The following TLK1 variants were observed in gnomAD, a reference collection of about 807,000 sequenced individuals.
The protein encoded by TLK1 is tousled like kinase 1, also known as serine/threonine-protein kinase tousled-like 1.
In TLK1, 24 loss-of-function variants were observed where a neutral mutation model predicts 105.3. The observed-to-expected ratio is 0.23, with a 90% CI of 0.17 to 0.32. TLK1 has a LOEUF of 0.32. Among genes scored for constraint, TLK1 ranks in the 10% least tolerant of loss-of-function variants. TLK1 has a pLI of 1.00. For synonymous variants in TLK1, 321 were observed against 310.4 expected (o/e 1.03, Z -0.36); for missense variants, 558 against 910.5 (o/e 0.61, Z 4.98).
chr2:171,001,521 T>C (rs571462411), intron 18 of TLK1, among the ~76,000 whole-genome samples: 30 of 152,230 alleles, frequency 2.0e-4, no homozygotes, highest in Admixed American at 5.2e-4. Flanking sequence ...CAGCTGGTAT[T>C]TATCTTCTCT....
At chr2:171,114,386 A>C (rs1300407103) in intron 2 of TLK1, among the ~76,000 whole-genome samples, 1 of 150,686 alleles carries the variant, frequency 6.6e-6, no homozygotes, top group Non-Finnish European at 1.5e-5. Context: ...GGGTTGGTCT[A>C]ATCTAATCAC....
intron 18 of TLK1, among the ~76,000 whole-genome samples, chr2:171,005,280 C>T (rs1471703475): frequency 5.3e-5 from 8 of 152,176 alleles, no homozygotes; most frequent in African/African-American, 1.9e-4. Flanking sequence ...TTTGTGAACA[C>T]GTAGGTATAC....
chr2:171,106,341 G>A (rs1266308095), intron 2 of TLK1, among the ~76,000 whole-genome samples: 2 of 152,224 alleles, frequency 1.3e-5, no homozygotes, highest in African/African-American at 4.8e-5. Flanking sequence ...AGCAGATTTC[G>A]AATGTTCCTA....
At chr2:171,118,865 CCTTT>C (rs1191320127) in intron 1 of TLK1, among the ~76,000 whole-genome samples, 2 of 152,064 alleles carry the variant, frequency 1.3e-5, no homozygotes, top group Non-Finnish European at 2.9e-5. Flanking sequence ...TTTGAAATTC[CCTTT>C]CTTACTTTTT....
At chr2:171,086,947 G>C (rs778308153) in intron 2 of TLK1, among the ~76,000 whole-genome samples, 1 of 152,158 alleles carries the variant, frequency 6.6e-6, no homozygotes, top group Non-Finnish European at 1.5e-5. Context: ...AAACGGAGCA[G>C]ACGATAAGCA....
intron 3 of TLK1, among the ~76,000 whole-genome samples, chr2:171,074,426 G>A (rs1369396008): frequency 1.3e-5 from 2 of 151,996 alleles, no homozygotes; most frequent in Non-Finnish European, 2.9e-5. Context: ...TCAGGAGTTT[G>A]AAATCAGCCT....
At chr2:171,164,100 G>T (rs955867028), upstream of TLK1, among the ~76,000 whole-genome samples, 3 of 152,104 alleles carry the variant, frequency 2.0e-5, no homozygotes, top group African/African-American at 7.2e-5. Flanking sequence ...GCATATACAT[G>T]ATCAACTTAC....
chr2:171,182,922 C>CAA (rs756752409), intron 1 of TLK1, among the ~76,000 whole-genome samples: 18 of 61,436 alleles, frequency 2.9e-4, no homozygotes, highest in East Asian at 1.1e-3. Flanking sequence ...ACCCTGACTC[C>CAA]AAAAAAAAAA....
At chr2:171,017,124 AAACTC>A (rs1464413321) in intron 12 of TLK1, among the ~76,000 whole-genome samples, 1 of 152,202 alleles carries the variant, frequency 6.6e-6, no homozygotes, top group African/African-American at 2.4e-5. Context: ...TTGAGACAAA[AAACTC>A]AAAACATAGC....
intron 1 of TLK1, among the ~76,000 whole-genome samples, chr2:171,193,699 CATTTTTTT>C (rs1558986616): frequency 3.9e-5 from 4 of 103,220 alleles, no homozygotes; most frequent in South Asian, 3.2e-4. Flanking sequence ...CAGCGCCTGG[CATTTTTTT>C]TTTTTTTTTT....
At chr2:171,067,164 T>TG (rs998127854) in intron 3 of TLK1, among the ~76,000 whole-genome samples, 3 of 151,388 alleles carry the variant, frequency 2.0e-5, no homozygotes, top group African/African-American at 4.8e-5. Flanking sequence ...ACTTAGGTTT[T>TG]TTTTTTTTTT....
At chr2:171,068,517 A>C (rs993601163) in intron 3 of TLK1, among the ~76,000 whole-genome samples, 1 of 152,080 alleles carries the variant, frequency 6.6e-6, no homozygotes, top group African/African-American at 2.4e-5. Flanking sequence ...ATTAGCATTG[A>C]TTCTCAATGC....
intron 1 of TLK1, among the ~76,000 whole-genome samples, chr2:171,195,216 T>C (rs1693244107): frequency 6.6e-6 from 1 of 152,080 alleles, no homozygotes; most frequent in African/African-American, 2.4e-5. Flanking sequence ...GTATAAAACA[T>C]AATCCGGCCG....
At chr2:171,218,724 A>T (rs1472568687) in intron 1 of TLK1, among the ~76,000 whole-genome samples, 2 of 152,120 alleles carry the variant, frequency 1.3e-5, no homozygotes, top group African/African-American at 2.4e-5. Context: ...GGAGAGGCAA[A>T]AGTGCAAAAA....
At chr2:171,212,893 T>G (rs929224605) in intron 1 of TLK1, among the ~76,000 whole-genome samples, 1 of 10,614 alleles carries the variant, frequency 9.4e-5, no homozygotes, top group Non-Finnish European at 6.6e-4. Flanking sequence ...AAGCGTTTTG[T>G]TTTTTTTTAA....
At chr2:171,192,797 C>T (rs1195551224) in intron 1 of TLK1, among the ~76,000 whole-genome samples, 2 of 152,210 alleles carry the variant, frequency 1.3e-5, no homozygotes, top group Non-Finnish European at 2.9e-5. Context: ...AGAGTTGTGG[C>T]CATCTGTACA....
intron 18 of TLK1, among the ~76,000 whole-genome samples, chr2:171,004,891 C>T (rs1678555966): frequency 6.6e-6 from 1 of 152,168 alleles, no homozygotes; most frequent in African/African-American, 2.4e-5. Context: ...AAATTCATGA[C>T]ATTATTATCT....
In TLK1 at chr2:171,194,724, G is replaced by T. The variant is rs369070116; in HGVS notation, c.-6+36421C>A. Among the ~76,000 whole-genome samples, 24 of 151,444 alleles carry T rather than the reference G, an allele frequency of 1.6e-4. No homozygotes were observed. In the South Asian group the frequency reaches 5.0e-3, roughly 32 times the overall value. On this transcript the variant is annotated intron_variant, in intron 1 of 20. Coordinates refer to the TLK1 transcript ENST00000521943. The stretch of plus-strand genomic sequence containing the variant: ...CCCAGCTACTCCGGAGGCTGAGGCA[G>T]GAGAATGGCGTGAACCTGGGAGGCG...
At chr2:171,163,341 C>T (rs1299068035), upstream of TLK1, among the ~76,000 whole-genome samples, 1 of 152,198 alleles carries the variant, frequency 6.6e-6, no homozygotes, top group Non-Finnish European at 1.5e-5. Flanking sequence ...GATACATACC[C>T]AGGATCTTGC....
Sources: allele counts gnomAD v4.1 joint callset (sites outside exome capture counted in the v4.1 genomes callset), GRCh38; gene constraint gnomAD v4.1.1; transcripts MANE v1.5; gene names NCBI Gene and HGNC (gene_info 2026-07-23, HGNC 2026-07-21).